Variants in NAV1 observed in about 807,000 individuals in gnomAD.
The protein encoded by NAV1 is pore membrane and/or filament interacting like protein 3.
NAV1 carries 18 observed loss-of-function variants against 175.2 expected under a neutral mutation model. The ratio of observed to expected loss-of-function variants is 0.10; its 90% CI spans 0.07 to 0.15. The LOEUF (loss-of-function observed/expected upper bound fraction) is 0.15. Among genes scored for constraint, NAV1 ranks in the 10% least tolerant of loss-of-function variants. NAV1 has a pLI of 1.00. For synonymous variants in NAV1, 897 were observed against 978.7 expected (o/e 0.92, Z 1.56); for missense variants, 1,731 against 2,436.6 (o/e 0.71, Z 6.10).
intron 3 of NAV1, among the ~76,000 whole-genome samples, chr1:201,736,582 G>A (rs1347223501): frequency 6.6e-6 from 1 of 152,190 alleles, no homozygotes. Context: ...TGGGAAGGAA[G>A]AGAGAATTAC....
intron 15 of NAV1, among the ~76,000 whole-genome samples, chr1:201,799,587 C>T (rs2945340): frequency 0.49 from 73,298 of 149,188 alleles, 19,450 homozygotes; most frequent in South Asian, 0.66. Flanking sequence ...GGGTCAGGTG[C>T]GGTGGCTCAC....
intron 1 of NAV1, among the ~76,000 whole-genome samples, 151 bp from the exon 2 acceptor site, chr1:201,588,388 C>T (rs911962825): frequency 4.6e-5 from 7 of 152,208 alleles, no homozygotes; most frequent in African/African-American, 1.7e-4. Flanking sequence ...TGCTCTGCTG[C>T]CCAGGCTGGA....
At chr1:201,726,545 G>C (rs1054273285) in intron 3 of NAV1, among the ~76,000 whole-genome samples, 24 of 151,708 alleles carry the variant, frequency 1.6e-4, no homozygotes, top group African/African-American at 5.6e-4. Context: ...CTGCTCAGGA[G>C]GCTGAGGCAG....
intron 2 of NAV1, among the ~76,000 whole-genome samples, chr1:201,602,908 A>C (rs756415234): frequency 1.3e-5 from 2 of 152,130 alleles, no homozygotes; most frequent in Non-Finnish European, 2.9e-5. Context: ...TGGTAGCAGC[A>C]TTCCTCTGAT....
chr1:201,649,344 C>T (rs1230363942), exon 1 of NAV1: 2 of 1,610,502 alleles, frequency 1.2e-6, no homozygotes, highest in Non-Finnish European at 8.5e-7. Context: ...CCAGGAGGAG[C>T]GCGCCTTCCT....
At chr1:201,629,093 T>C (rs569154112) in intron 1 of NAV1, among the ~76,000 whole-genome samples, 65 of 152,270 alleles carry the variant, frequency 4.3e-4, no homozygotes, top group African/African-American at 1.4e-3. Flanking sequence ...GTTGCTAGGG[T>C]ATCCCTCTGC....
intron 28 of NAV1, among the ~76,000 whole-genome samples, chr1:201,814,475 A>G (rs761018468): frequency 6.6e-6 from 1 of 152,182 alleles, no homozygotes; most frequent in African/African-American, 2.4e-5. Flanking sequence ...AAATTAGGGT[A>G]TGATGATCAC....
chr1:201,645,438 T>C (rs1558033187), upstream of NAV1, among the ~76,000 whole-genome samples: 4 of 147,900 alleles, frequency 2.7e-5, no homozygotes, highest in Non-Finnish European at 4.5e-5. Flanking sequence ...CATTAGGAGA[T>C]ATACCTAATG....
exon 5 of NAV1, chr1:201,781,098 G>A: frequency 6.2e-7 from 1 of 1,614,170 alleles, no homozygotes; most frequent in Non-Finnish European, 8.5e-7. Context: ...CTAAAAAACT[G>A]GAGTACGACA....
At chr1:201,817,508 A>G (rs1264204366) in intron 29 of NAV1, among the ~76,000 whole-genome samples, 1 of 152,170 alleles carries the variant, frequency 6.6e-6, no homozygotes, top group East Asian at 1.9e-4. Flanking sequence ...CTTTTCATAC[A>G]TACACTGATG....
chr1:201,663,847 C>G (rs973003765), intron 1 of NAV1, among the ~76,000 whole-genome samples: 2 of 152,030 alleles, frequency 1.3e-5, no homozygotes, highest in Non-Finnish European at 2.9e-5. Flanking sequence ...GAGGATCTAG[C>G]CCTGCTTCTG....
At chr1:201,559,181 T>C (rs1016561918) in intron 1 of NAV1, among the ~76,000 whole-genome samples, 1 of 152,198 alleles carries the variant, frequency 6.6e-6, no homozygotes, top group Non-Finnish European at 1.5e-5. Context: ...CTTGGCCTTC[T>C]GGAGCCCGTT....
chr1:201,695,052 T>C (rs569399669), intron 1 of NAV1, among the ~76,000 whole-genome samples: 323 of 152,322 alleles, frequency 2.1e-3, no homozygotes, highest in Non-Finnish European at 3.8e-3. Flanking sequence ...TGAGTGCTCA[T>C]GTCGCTTGTC....
intron 3 of NAV1, 95 bp from the exon 8 acceptor site, chr1:201,780,326 A>G (rs1237089729): frequency 6.8e-7 from 1 of 1,472,270 alleles, no homozygotes; most frequent in Non-Finnish European, 9.4e-7. Context: ...TAGCCTATAT[A>G]CTGGTGCAGA....
At chr1:201,572,946 C>G (rs545650449) in intron 1 of NAV1, among the ~76,000 whole-genome samples, 1 of 152,246 alleles carries the variant, frequency 6.6e-6, no homozygotes, top group South Asian at 2.1e-4. Flanking sequence ...CCTTCCTACT[C>G]CATCTTGCCC....
exon 2 of NAV1, chr1:201,712,911 G>T: frequency 6.2e-7 from 1 of 1,612,582 alleles, no homozygotes; most frequent in South Asian, 1.1e-5. Flanking sequence ...GGTCCCAGGT[G>T]ACTCACAGGT....
At chr1:201,734,499 G>GAGAAGAAGAAGAAGA (rs60196611) in intron 3 of NAV1, among the ~76,000 whole-genome samples, 17,631 of 121,306 alleles carry the variant, frequency 0.15, 1,677 homozygotes, top group Non-Finnish European at 0.18. Flanking sequence ...GAAGGAGAAG[G>GAGAAGAAGAAGAAGA]AGAAGAAGAA....
intron 3 of NAV1, among the ~76,000 whole-genome samples, chr1:201,731,215 A>G (rs953886259): frequency 1.3e-5 from 2 of 151,984 alleles, no homozygotes; most frequent in Non-Finnish European, 2.9e-5. Flanking sequence ...TGATGTGCAC[A>G]CCAAGCAGTG....
chr1:201,802,282 G>T (rs1185642810), intron 15 of NAV1, among the ~76,000 whole-genome samples: 1 of 122,376 alleles, frequency 8.2e-6, no homozygotes, highest in Non-Finnish European at 1.6e-5. Context: ...TCTAGCCTGC[G>T]CAAGAAGAGT....
Sources: allele counts gnomAD v4.1 joint callset (sites outside exome capture counted in the v4.1 genomes callset), GRCh38; gene constraint gnomAD v4.1.1; transcripts MANE v1.5; gene names NCBI Gene and HGNC (gene_info 2026-07-23, HGNC 2026-07-21).